Variants in KHDRBS2 observed in about 807,000 individuals in gnomAD.
The protein encoded by KHDRBS2 is KH RNA binding domain containing, signal transduction associated 2.
Under a neutral mutation model 44.3 loss-of-function variants are expected in KHDRBS2, and 26 were observed. The ratio of observed to expected loss-of-function variants is 0.59; its 90% CI spans 0.43 to 0.81. KHDRBS2 has a LOEUF of 0.81. Ranked by LOEUF, KHDRBS2 falls within the 40% of genes least tolerant of loss-of-function variation. The pLI, the probability that KHDRBS2 is intolerant of heterozygous loss-of-function variation, is 0.00. For missense variants in KHDRBS2, 476 were observed against 433.1 expected (o/e 1.10, Z -0.88); for synonymous variants, 194 against 151.1 (o/e 1.28, Z -2.08).
the KHDRBS2 span, among the ~76,000 whole-genome samples, chr6:61,666,969 A>G: frequency 4.3e-4 from 63 of 146,496 alleles, no homozygotes; most frequent in Non-Finnish European, 6.2e-4. Context: ...TGACCTGTTT[A>G]ATTTAGACAC....
the KHDRBS2 span, among the ~76,000 whole-genome samples, chr6:61,569,132 A>C: frequency 6.6e-6 from 1 of 152,006 alleles, no homozygotes; most frequent in Non-Finnish European, 1.5e-5. Context: ...GCTACTGGCT[A>C]TCCCTCACTT....
At chr6:62,066,432 CTAA>C (rs1235277168) in intron 2 of KHDRBS2, among the ~76,000 whole-genome samples, 2 of 151,580 alleles carry the variant, frequency 1.3e-5, no homozygotes, top group African/African-American at 4.8e-5. Context: ...CAACTGCACT[CTAA>C]TATTTTAGAA....
intron 2 of KHDRBS2, among the ~76,000 whole-genome samples, chr6:62,060,629 CTCTCTA>C (rs997834176): frequency 3.4e-5 from 5 of 148,584 alleles, no homozygotes; most frequent in Admixed American, 1.4e-4. Flanking sequence ...CTCTCTCTCT[CTCTCTA>C]TATATATATA....
intron 1 of KHDRBS2, among the ~76,000 whole-genome samples, chr6:62,266,465 T>C (rs771722888): frequency 2.8e-4 from 43 of 152,084 alleles, no homozygotes; most frequent in Non-Finnish European, 2.9e-4. Flanking sequence ...CACTTGTGTA[T>C]GCTTACCTTC....
intron 1 of KHDRBS2, among the ~76,000 whole-genome samples, chr6:62,246,611 G>A (rs920253579): frequency 2.6e-5 from 4 of 151,966 alleles, no homozygotes; most frequent in Admixed American, 1.3e-4. Flanking sequence ...ACTTTAGGAA[G>A]AAAGACATAG....
At chr6:61,953,817 C>T (rs1447557871) in intron 4 of KHDRBS2, among the ~76,000 whole-genome samples, 3 of 152,038 alleles carry the variant, frequency 2.0e-5, no homozygotes, top group African/African-American at 7.2e-5. Context: ...AATTTAAAGG[C>T]TGACTCAGAA....
At chr6:61,770,000 C>T (rs1481021187) in intron 6 of KHDRBS2, among the ~76,000 whole-genome samples, 6 of 152,272 alleles carry the variant, frequency 3.9e-5, no homozygotes, top group South Asian at 2.1e-4. Context: ...TCCAGAGGAA[C>T]GATCAGGCAG....
chr6:61,616,953 C>T, the KHDRBS2 span, among the ~76,000 whole-genome samples: 4 of 152,226 alleles, frequency 2.6e-5, no homozygotes, highest in East Asian at 7.7e-4. Context: ...TCAGGGACAA[C>T]TTATTTTATT....
At chr6:61,779,267 C>T (rs1398166444) in intron 6 of KHDRBS2, among the ~76,000 whole-genome samples, 3 of 151,958 alleles carry the variant, frequency 2.0e-5, no homozygotes, top group Non-Finnish European at 2.9e-5. Context: ...TCTGAAGTCC[C>T]TTAACTCAGA....
At position 61,696,796 on chromosome 6, in the gene KHDRBS2, A is replaced by T. The variant is rs557826394; in HGVS notation, c.952+399T>A. Among the ~76,000 whole-genome samples, 18 of 152,254 alleles carry T rather than the reference A, an allele frequency of 1.2e-4. No individual in the cohort carries two copies. In the East Asian group the frequency reaches 3.5e-3, roughly 30 times the overall value. On this transcript the variant is annotated intron_variant, in intron 8 of 8. Coordinates refer to ENST00000281156, the MANE Select transcript of KHDRBS2 (RefSeq NM_152688.4). ...ATGCTAGAAAAATAACTTGAGAGTTATTTTATAGTAACAATTTCTGCCCTT... is the reference window on the plus strand; with the variant it reads ...ATGCTAGAAAAATAACTTGAGAGTTTTTTTATAGTAACAATTTCTGCCCTT...
intron 8 of KHDRBS2, among the ~76,000 whole-genome samples, chr6:61,695,943 G>A (rs959280422): frequency 1.3e-5 from 2 of 152,014 alleles, no homozygotes; most frequent in African/African-American, 4.8e-5. Context: ...CCCACAGAGA[G>A]GAATAAAGTG....
chr6:61,576,021 G>A, the KHDRBS2 span, among the ~76,000 whole-genome samples: 2 of 152,076 alleles, frequency 1.3e-5, no homozygotes, highest in Non-Finnish European at 2.9e-5. Context: ...CTCAGGTGAT[G>A]GGTGCACCAA....
At chr6:62,043,549 T>C (rs1458955582) in intron 3 of KHDRBS2, among the ~76,000 whole-genome samples, 1 of 152,096 alleles carries the variant, frequency 6.6e-6, no homozygotes, top group African/African-American at 2.4e-5. Context: ...TCATATATTG[T>C]GGGATCTGAC....
At chr6:61,622,238 A>G in the KHDRBS2 span, among the ~76,000 whole-genome samples, 2 of 152,232 alleles carry the variant, frequency 1.3e-5, no homozygotes, top group African/African-American at 4.8e-5. Context: ...CTCTCTATTA[A>G]GGGATTTCCC....
chr6:61,798,270 G>A (rs1003097155), intron 6 of KHDRBS2, among the ~76,000 whole-genome samples: 3 of 152,042 alleles, frequency 2.0e-5, no homozygotes, highest in Non-Finnish European at 1.5e-5. Flanking sequence ...TTCTGCATAT[G>A]AGTAGAAACA....
At chr6:61,543,766 G>A in the KHDRBS2 span, among the ~76,000 whole-genome samples, 1 of 152,098 alleles carries the variant, frequency 6.6e-6, no homozygotes, top group Non-Finnish European at 1.5e-5. Context: ...GTACTATTCA[G>A]CTATAAGAAA....
chr6:61,563,800 C>G, the KHDRBS2 span, among the ~76,000 whole-genome samples: 1 of 151,958 alleles, frequency 6.6e-6, no homozygotes, highest in Non-Finnish European at 1.5e-5. Flanking sequence ...GACGTTAGAG[C>G]CTGAGAGAGG....
At chr6:61,596,638 TTTTAA>T in the KHDRBS2 span, among the ~76,000 whole-genome samples, 3 of 152,090 alleles carry the variant, frequency 2.0e-5, no homozygotes, top group African/African-American at 7.2e-5. Context: ...GTACTTCTTT[TTTTAA>T]TTTAATTTAA....
chr6:62,227,569 G>A (rs1832110874), intron 1 of KHDRBS2, among the ~76,000 whole-genome samples: 1 of 152,148 alleles, frequency 6.6e-6, no homozygotes, highest in Non-Finnish European at 1.5e-5. Flanking sequence ...TATTGAATAG[G>A]AGCAGTAAGA....
Sources: gnomAD v4.1 joint callset for allele counts (sites outside exome capture counted in the v4.1 genomes callset) on GRCh38, gnomAD v4.1.1 for gene constraint, MANE v1.5 for transcripts, NCBI Gene and HGNC (gene_info 2026-07-23, HGNC 2026-07-21) for gene names.